ST7: variants seen among roughly 807,000 people sequenced by gnomAD.
ST7 encodes suppressor of tumorigenicity 7 protein.
A neutral mutation model predicts 78.7 loss-of-function variants in ST7; 28 were observed. The observed-to-expected ratio is 0.36, with a 90% CI of 0.26 to 0.49. The LOEUF (loss-of-function observed/expected upper bound fraction) is 0.49, where lower values mean the gene tolerates loss of function less well. Among genes scored for constraint, ST7 ranks in the 20% least tolerant of loss-of-function variants. The pLI is 0.99. For synonymous variants in ST7, 247 were observed against 249.6 expected (o/e 0.99, Z 0.10); for missense variants, 418 against 696.0 (o/e 0.60, Z 4.49).
In ST7 at chr7:117,097,902, A is replaced by T. The variant is rs1196321420; in HGVS notation, c.152-1860A>T. Among the ~76,000 whole-genome samples, 58 of 31,264 alleles carry T rather than the reference A, an allele frequency of 1.9e-3. 3 individuals are homozygous for T. The South Asian group carries it at 0.036, about 19-fold the overall frequency. The allele number at this position is 31,264 out of a possible 152,430, so 20.5% of individuals were successfully genotyped here. A position where few individuals can be genotyped will look rare whatever the true frequency, so the allele number is the denominator to read the frequency against. ...TCACTATATATATATATATATATATATATATATTTTTTTTTTTTTTTTTTT... is the reference window on the plus strand; with the variant it reads ...TCACTATATATATATATATATATATTTATATATTTTTTTTTTTTTTTTTTT... On this transcript the variant is annotated intron_variant, in intron 1 of 15. Transcript: ENST00000323984.
chr7:117,188,991 G>A lies in ST7; in HGVS notation c.1079-330G>A, dbSNP rs113305617. On this transcript the variant is annotated intron_variant, in intron 10 of 15. Transcript: ENST00000323984. ...ACACTTTCATGTCTTTCACATCAAGGATATTCATGTGATATCTAAATGTAT... is the reference window on the plus strand; with the variant it reads ...ACACTTTCATGTCTTTCACATCAAGAATATTCATGTGATATCTAAATGTAT... Among the ~76,000 whole-genome samples, 271 of 152,140 alleles carry A rather than the reference G, an allele frequency of 1.8e-3. 1 individual carries two copies. The highest frequency in any genetic ancestry group is 4.2e-3 in the African/African-American group (176 of 41,494).
chr7:117,171,013 C>A, intron 10 of ST7, 37 bp downstream of exon 10: 1 of 1,377,760 alleles, frequency 7.3e-7, no homozygotes, highest in Non-Finnish European at 1.0e-6. Context: ...TTGACTATTC[C>A]TCTTTTGATG....
intron 15 of ST7, chr7:117,223,973 T>TC: frequency 1.0e-6 from 1 of 974,330 alleles, no homozygotes; most frequent in Non-Finnish European, 1.2e-6. Flanking sequence ...TATTTTTTTT[T>TC]CTCTTCTTGT....
chr7:117,189,462 T>C, intron 11 of ST7, 69 bp downstream of exon 11: 2 of 1,302,270 alleles, frequency 1.5e-6, no homozygotes, highest in Non-Finnish European at 2.1e-6. Context: ...TCTGAGGGCT[T>C]TCTCTGGAAG....
intron 1 of ST7, among the ~76,000 whole-genome samples, chr7:117,090,055 T>C (rs921307396): frequency 6.6e-6 from 1 of 152,164 alleles, no homozygotes; most frequent in Non-Finnish European, 1.5e-5. Context: ...AAGTGTCTGG[T>C]TTAATAGGAT....
At chr7:117,045,048 C>G (rs1163562171) in intron 1 of ST7, among the ~76,000 whole-genome samples, 1 of 152,150 alleles carries the variant, frequency 6.6e-6, no homozygotes, top group Non-Finnish European at 1.5e-5. Context: ...TTCTGACACT[C>G]CACATGCACT....
intron 3 of ST7, among the ~76,000 whole-genome samples, chr7:117,124,447 G>A (rs951515206): frequency 3.3e-5 from 5 of 152,100 alleles, no homozygotes; most frequent in Non-Finnish European, 5.9e-5. Flanking sequence ...AAGTTCTTAA[G>A]CACTTTAAAA....
intron 1 of ST7, among the ~76,000 whole-genome samples, chr7:117,034,164 C>T (rs1796762328): frequency 6.6e-6 from 1 of 152,036 alleles, no homozygotes; most frequent in Admixed American, 6.6e-5. Flanking sequence ...GTCTTGAACT[C>T]CTGGGCTCAA....
At chr7:117,135,924 C>A (rs1277807773) in intron 7 of ST7, among the ~76,000 whole-genome samples, 157 bp from the exon 8 acceptor site, 1 of 152,076 alleles carries the variant, frequency 6.6e-6, no homozygotes, top group South Asian at 2.1e-4. Context: ...TCTTTTGTAC[C>A]ATTATTTTGT....
intron 12 of ST7, among the ~76,000 whole-genome samples, chr7:117,192,509 C>A (rs559307618): frequency 2.0e-4 from 30 of 152,254 alleles, no homozygotes; most frequent in African/African-American, 7.0e-4. Flanking sequence ...ATTTGAAGTT[C>A]TTTGAAAACA....
chr7:117,136,526 C>A (rs1222471386), intron 8 of ST7: 1 of 550,262 alleles, frequency 1.8e-6, no homozygotes. Flanking sequence ...TGAGTTCTTA[C>A]ATATTTCTGT....
intron 15 of ST7, chr7:117,223,185 A>G: frequency 1.7e-6 from 1 of 573,828 alleles, no homozygotes; most frequent in Non-Finnish European, 3.1e-6. Context: ...AATGTGATTC[A>G]CCTCTTCTTT....
At chr7:117,111,953 T>C (rs1442134822) in intron 2 of ST7, among the ~76,000 whole-genome samples, 1 of 152,234 alleles carries the variant, frequency 6.6e-6, no homozygotes. Context: ...TTGACATTTA[T>C]ACATAGATTC....
chr7:117,001,989 G>A (rs897785893), intron 1 of ST7, among the ~76,000 whole-genome samples: 1 of 152,110 alleles, frequency 6.6e-6, no homozygotes, highest in African/African-American at 2.4e-5. Flanking sequence ...ACTTTGGGAG[G>A]CTGAGGCGGA....
intron 2 of ST7, among the ~76,000 whole-genome samples, chr7:117,119,144 G>A (rs1479489965): frequency 2.6e-5 from 4 of 152,078 alleles, no homozygotes; most frequent in African/African-American, 9.7e-5. Context: ...GCATTTTACA[G>A]AGGTATGGTT....
At chr7:117,045,814 T>G (rs1797464781) in intron 1 of ST7, among the ~76,000 whole-genome samples, 1 of 152,230 alleles carries the variant, frequency 6.6e-6, no homozygotes. Flanking sequence ...TATTAAGCTC[T>G]GTGCTGAGAC....
At chr7:117,071,319 G>C (rs1474594101) in intron 1 of ST7, among the ~76,000 whole-genome samples, 1 of 152,102 alleles carries the variant, frequency 6.6e-6, no homozygotes, top group Non-Finnish European at 1.5e-5. Context: ...GCTAGAGAAT[G>C]ACACTGCATT....
intron 1 of ST7, chr7:117,014,918 T>C (rs1795538007): frequency 2.4e-6 from 3 of 1,230,172 alleles, no homozygotes; most frequent in South Asian, 3.1e-5. Context: ...CCCAGAACGG[T>C]TCGTCAGTCC....
At chr7:116,997,138 C>T (rs1408170877) in intron 1 of ST7, among the ~76,000 whole-genome samples, 1 of 152,100 alleles carries the variant, frequency 6.6e-6, no homozygotes, top group South Asian at 2.1e-4. Flanking sequence ...CTCGCTGGCT[C>T]AGGAGTGAAA....
Sources: allele counts gnomAD v4.1 joint callset (sites outside exome capture counted in the v4.1 genomes callset), GRCh38; gene constraint gnomAD v4.1.1; transcripts MANE v1.5; gene names NCBI Gene and HGNC (gene_info 2026-07-23, HGNC 2026-07-21).